The following ALK variants were observed in gnomAD, a reference collection of about 807,000 sequenced individuals.
ALK encodes ALK tyrosine kinase receptor.
A neutral mutation model predicts 163.1 loss-of-function variants in ALK; 74 were observed. The ratio of observed to expected loss-of-function variants is 0.45; its 90% CI spans 0.38 to 0.55. The LOEUF (loss-of-function observed/expected upper bound fraction) is 0.55, where lower values mean the gene tolerates loss of function less well. Among genes scored for constraint, ALK ranks in the 20% least tolerant of loss-of-function variants. The probability of loss-of-function intolerance (pLI) is 0.00; values close to 1 mark genes in which losing one functional copy is unlikely to be tolerated. For missense variants in ALK, 2,063 were observed against 2,105.3 expected (o/e 0.98, Z 0.39); for synonymous variants, 960 against 843.2 (o/e 1.14, Z -2.40).
At chr2:29,916,897 A>T (rs988110797) in intron 1 of ALK, among the ~76,000 whole-genome samples, 4 of 152,302 alleles carry the variant, frequency 2.6e-5, no homozygotes, top group Middle Eastern at 3.4e-3. Context: ...AACCATTAAT[A>T]CAGTCCCAGA....
At chr2:29,537,167 T>C (rs1161572304) in intron 3 of ALK, among the ~76,000 whole-genome samples, 3 of 152,180 alleles carry the variant, frequency 2.0e-5, no homozygotes, top group African/African-American at 7.2e-5. Context: ...GCTAAGCGAA[T>C]AGCATGACTA....
In ALK at chr2:29,227,547, TG is replaced by T. The variant is rs778084136; in HGVS notation, c.2914+26del. 1.3e-6 allele frequency: 2 copies of T among 1,590,332 alleles called. No individual in the cohort carries two copies. The highest frequency in any genetic ancestry group is 1.3e-5 in the African/African-American group (1 of 74,408). On this transcript the variant is annotated intron_variant, in intron 17 of 28. Transcript: ENST00000389048. This position sits in a 1 kb window ranked among gnomAD's most constrained non-coding sequence, Gnocchi z 4.4. ...GTGGGAGGACTGACCTAAGCAAGTTTGTTCTGCTGCCTGGCAGAGAAGCTAC... is the reference window on the plus strand; with the variant it reads ...GTGGGAGGACTGACCTAAGCAAGTTTTTCTGCTGCCTGGCAGAGAAGCTAC...
chr2:29,831,334 C>T (rs1418139851), intron 1 of ALK, among the ~76,000 whole-genome samples: 1 of 136,772 alleles, frequency 7.3e-6, no homozygotes, highest in African/African-American at 2.6e-5. Context: ...TGTAGAGTTC[C>T]AGGACTTATC....
chr2:29,529,029 G>C (rs1402168194), intron 4 of ALK, among the ~76,000 whole-genome samples: 1 of 152,178 alleles, frequency 6.6e-6, no homozygotes, highest in Non-Finnish European at 1.5e-5. Flanking sequence ...CATATACTCT[G>C]CTGCTTTCCA....
At chr2:29,387,098 T>C (rs4280419) in intron 4 of ALK, among the ~76,000 whole-genome samples, 150,272 of 152,290 alleles carry the variant, frequency 0.99, 74,171 homozygotes, top group Middle Eastern at 1. Context: ...TTATCACTGG[T>C]GCTTCCATCA....
intron 5 of ALK, among the ~76,000 whole-genome samples, chr2:29,364,982 T>A (rs1473022553): frequency 6.6e-6 from 1 of 152,180 alleles, no homozygotes; most frequent in African/African-American, 2.4e-5. Context: ...TCTCACTGAG[T>A]CTAAACCCAT....
At chr2:29,776,198 C>T (rs1165036499) in intron 1 of ALK, among the ~76,000 whole-genome samples, 1 of 140,850 alleles carries the variant, frequency 7.1e-6, no homozygotes, top group African/African-American at 2.8e-5. Context: ...ACTGTAACTA[C>T]GCTAAGAAAA....
At chr2:29,237,982 G>A (rs114315183) in intron 13 of ALK, among the ~76,000 whole-genome samples, 276 of 152,304 alleles carry the variant, frequency 1.8e-3, no homozygotes, top group Non-Finnish European at 3.1e-3. Context: ...GCCACCAGGC[G>A]AGGTTTGGGA....
chr2:29,804,958 C>T (rs1291077739), intron 1 of ALK, among the ~76,000 whole-genome samples: 5 of 152,126 alleles, frequency 3.3e-5, no homozygotes, highest in African/African-American at 1.2e-4. Context: ...CCCCCTTTCC[C>T]GGGCCTGAGG....
At chr2:29,534,540 T>C (rs924398674) in intron 3 of ALK, among the ~76,000 whole-genome samples, 4 of 152,164 alleles carry the variant, frequency 2.6e-5, no homozygotes, top group Non-Finnish European at 5.9e-5. Flanking sequence ...AGCAACTGTG[T>C]CCTGGTCTGA....
chr2:29,599,078 T>A (rs114455269), intron 3 of ALK, among the ~76,000 whole-genome samples: 2,247 of 152,118 alleles, frequency 0.015, 55 homozygotes, highest in African/African-American at 0.052. Context: ...TATAGCTGTG[T>A]CATCAATAGA....
intron 3 of ALK, among the ~76,000 whole-genome samples, chr2:29,592,588 T>G (rs1573483647): frequency 6.6e-6 from 1 of 152,150 alleles, no homozygotes; most frequent in Non-Finnish European, 1.5e-5. Flanking sequence ...TGTTGGGAGG[T>G]CAGATAAGTT....
chr2:29,370,021 G>T (rs1421174498), intron 5 of ALK, among the ~76,000 whole-genome samples: 1 of 152,182 alleles, frequency 6.6e-6, no homozygotes, highest in African/African-American at 2.4e-5. Flanking sequence ...TGGGGAGAGA[G>T]AGTGTGCAGG....
intron 11 of ALK, among the ~76,000 whole-genome samples, chr2:29,273,268 G>A (rs1367091050): frequency 6.6e-6 from 1 of 152,234 alleles, no homozygotes; most frequent in East Asian, 1.9e-4. Context: ...TTACTGACTG[G>A]GTGTGGCCTT....
At chr2:29,782,765 C>A (rs1663869465) in intron 1 of ALK, among the ~76,000 whole-genome samples, 1 of 152,320 alleles carries the variant, frequency 6.6e-6, no homozygotes, top group African/African-American at 2.4e-5. Flanking sequence ...CTTCAAATGC[C>A]ATTATCATTC....
At chr2:29,717,452 C>G in intron 2 of ALK, 126 bp downstream of exon 2, 1 of 1,192,050 alleles carries the variant, frequency 8.4e-7, no homozygotes, top group Non-Finnish European at 1.2e-6. Context: ...CTCAGAAAGA[C>G]TTCTTTTGCA....
chr2:29,425,634 G>A (rs1670117381), intron 4 of ALK, among the ~76,000 whole-genome samples: 1 of 152,120 alleles, frequency 6.6e-6, no homozygotes. Context: ...CATAATGTAG[G>A]GTGTCACTCT....
intron 1 of ALK, among the ~76,000 whole-genome samples, chr2:29,746,110 C>T (rs1680201629): frequency 1.3e-5 from 2 of 152,138 alleles, no homozygotes. Flanking sequence ...GATGAGGAAA[C>T]TGAGGTTCAG....
At chr2:29,251,051 A>C in intron 12 of ALK, 54 bp downstream of exon 12, 1 of 1,588,226 alleles carries the variant, frequency 6.3e-7, no homozygotes, top group Non-Finnish European at 8.6e-7. Flanking sequence ...GCAAGACTCC[A>C]GGCTTCTTCG....
Sources: gnomAD v4.1 joint callset for allele counts (sites outside exome capture counted in the v4.1 genomes callset) on GRCh38, gnomAD v4.1.1 for gene constraint, Gnocchi (gnomAD v3.1) non-coding constraint, MANE v1.5 for transcripts, NCBI Gene and HGNC (gene_info 2026-07-23, HGNC 2026-07-21) for gene names.